The following DUOX1 variants were observed in gnomAD, a reference collection of about 807,000 sequenced individuals.
DUOX1 encodes the protein NADPH thyroid oxidase 1.
A neutral mutation model predicts 181.8 loss-of-function variants in DUOX1; 134 were observed. The observed-to-expected ratio is 0.74, with a 90% CI of 0.64 to 0.85. DUOX1 has a LOEUF of 0.85. DUOX1 is among the 40% of genes least tolerant of loss of function. The pLI is 0.00. For missense variants in DUOX1, 1,814 were observed against 2,064.4 expected, an observed-to-expected ratio of 0.88 and a Z score of 2.35; for synonymous variants, 798 against 832.5, an observed-to-expected ratio of 0.96 and a Z score of 0.71.
chr15:45,153,889 A>G, intron 26 of DUOX1, 62 bp from the exon 27 acceptor site: 1 of 1,066,092 alleles, frequency 9.4e-7, no homozygotes, highest in Non-Finnish European at 1.3e-6. Context: ...TCTGCCTCAA[A>G]AAAAAAAAAA....
intron 9 of DUOX1, among the ~76,000 whole-genome samples, 159 bp downstream of exon 9, chr15:45,136,784 C>T (rs939528901): frequency 6.6e-6 from 1 of 152,160 alleles, no homozygotes; most frequent in African/African-American, 2.4e-5. Flanking sequence ...TTAAAAGATA[C>T]ATCACTGTGG....
At chr15:45,160,193 T>G (rs889771925) in intron 28 of DUOX1, among the ~76,000 whole-genome samples, 2 of 152,072 alleles carry the variant, frequency 1.3e-5, no homozygotes, top group Non-Finnish European at 2.9e-5. Flanking sequence ...TGACAACGCA[T>G]GCACTAAGAG....
chr15:45,133,633 CT>C (rs1896208573), intron 2 of DUOX1, among the ~76,000 whole-genome samples: 1 of 152,238 alleles, frequency 6.6e-6, no homozygotes. Context: ...TGCTCCACTG[CT>C]TTTTGGCTCC....
At position 45,153,405 on chromosome 15, in the gene DUOX1, G is replaced by A. The variant is rs780354442; in HGVS notation, c.3450G>A (p.Val1150=). 2.5e-6 allele frequency: 4 copies of A among 1,613,948 alleles called. No individual in the cohort carries two copies. The East Asian group carries it at 6.7e-5, about 27-fold the overall frequency. Residue 1150 remains valine (V), a synonymous_variant, in exon 26 of 34, where the codon GTG becomes GTA. Transcript: ENST00000389037. ...LTVLHSVGHV[V]NVYLFSISPL... is the part of the protein sequence containing the mutation. ...TCTTACACAGTGTGGGCCATGTGGT[G>A]AATGTGTACCTGTTCTCCATCAGCC...
At chr15:45,157,233 G>T (rs1486248660) in intron 28 of DUOX1, among the ~76,000 whole-genome samples, 1 of 152,184 alleles carries the variant, frequency 6.6e-6, no homozygotes, top group Non-Finnish European at 1.5e-5. Flanking sequence ...TAGAACTGAT[G>T]ATATGCGTTT....
intron 12 of DUOX1, 116 bp downstream of exon 12, chr15:45,139,715 G>A: frequency 8.6e-7 from 1 of 1,162,120 alleles, no homozygotes; most frequent in Non-Finnish European, 1.2e-6. Context: ...AATGGGAGGG[G>A]CAGGGCTTAC....
intron 18 of DUOX1, among the ~76,000 whole-genome samples, chr15:45,146,142 C>G (rs1376135676): frequency 6.6e-6 from 1 of 152,058 alleles, no homozygotes; most frequent in Non-Finnish European, 1.5e-5. Context: ...TAAAGTTGGA[C>G]AAGTTTTGGC....
intron 15 of DUOX1, among the ~76,000 whole-genome samples, chr15:45,142,797 A>G (rs1444587302): frequency 7.0e-6 from 1 of 143,556 alleles, no homozygotes; most frequent in Non-Finnish European, 1.5e-5. Flanking sequence ...GGGAGGGAGG[A>G]AGGGAGGGAG....
intron 14 of DUOX1, 152 bp from the exon 15 acceptor site, chr15:45,141,823 A>AT: frequency 1.4e-6 from 1 of 737,304 alleles, no homozygotes. Context: ...GTTGGGATTC[A>AT]TTTTTTACCC....
chr15:45,150,690 G>A lies in DUOX1; in HGVS notation c.2877G>A (p.Gln959=), dbSNP rs747821501. ...DLCRRASYIS[Q]DMICPSPRVS... ...GCCGGCGAGCCTCCTACATCAGCCA[G>A]GATATGATCTGGTGAGCACCCATCT... The change falls in exon 22 of 34, where the codon CAG becomes CAA. Residue 959 remains glutamine, a synonymous_variant. Transcript: ENST00000389037. 76 of 1,613,720 alleles carry A rather than the reference G, an allele frequency of 4.7e-5. No homozygotes were observed. In the South Asian group the frequency reaches 8.2e-4, roughly 17 times the overall value.
intron 23 of DUOX1, 100 bp from the exon 24 acceptor site, chr15:45,151,774 G>A (rs1047025346): frequency 8.0e-7 from 1 of 1,248,182 alleles, no homozygotes; most frequent in Non-Finnish European, 1.1e-6. Context: ...GGAAGCAGTG[G>A]GCTTCCCTCA....
rs1219075303 is a variant in DUOX1, at chr15:45,141,823, A to G, written c.1685-152A>G. 8 of 737,188 alleles carry G rather than the reference A, an allele frequency of 1.1e-5. No homozygotes were observed. The Admixed American group carries it at 1.5e-4, about 14-fold the overall frequency. The allele number at this position is 737,188 out of a possible 1,614,324, so 45.7% of individuals were successfully genotyped here. On this transcript the variant is annotated intron_variant, in intron 14 of 33. Transcript: ENST00000389037. ...GAGGGAGAGATGGAGGTTGGGATTCATTTTTTACCCCACTTGTTACCCAAG... is the reference window on the plus strand; with the variant it reads ...GAGGGAGAGATGGAGGTTGGGATTCGTTTTTTACCCCACTTGTTACCCAAG...
At chr15:45,154,311 T>C (rs1322357338) in intron 27 of DUOX1, among the ~76,000 whole-genome samples, 2 of 152,058 alleles carry the variant, frequency 1.3e-5, no homozygotes, top group African/African-American at 4.8e-5. Flanking sequence ...GGCTACCTCT[T>C]CCCCCAATAC....
At chr15:45,154,709 T>C (rs1896924897) in intron 27 of DUOX1, among the ~76,000 whole-genome samples, 2 of 152,096 alleles carry the variant, frequency 1.3e-5, no homozygotes, top group African/African-American at 4.8e-5. Flanking sequence ...CTCCTCTCCT[T>C]TTAGGACTTT....
rs771983775 is a variant in DUOX1 at position 45,134,166 on chromosome 15, T to A, written c.164T>A (p.Val55Asp). ...CCAGGCTCCCGGCTGCAGCGCCTGG[T>A]CCCAGCCAGCTATGCAGATGGCGTG... is the stretch of plus-strand genomic sequence containing the variant. ...GSKGSRLQRL[V>D]PASYADGVYQ... The change falls in exon 4 of 34, where the codon GTC (valine) becomes GAC (aspartate). Residue 55 changes from valine (V) to aspartate (D), a missense_variant. Around this residue, in one of 5 missense-constraint regions of DUOX1, gnomAD observed 320 missense variants for 313.1 expected, o/e 1.02. Transcript: ENST00000389037. 6.4e-7 allele frequency: 1 copy of A among 1,557,384 alleles called. No homozygotes were observed. The highest frequency in any genetic ancestry group is 8.6e-7 in the Non-Finnish European group (1 of 1,156,758).
At chr15:45,139,224 C>T (rs1896425466) in intron 11 of DUOX1, 56 bp downstream of exon 11, 2 of 1,612,058 alleles carry the variant, frequency 1.2e-6, no homozygotes, top group Non-Finnish European at 1.7e-6. Context: ...GGAAGAGGCT[C>T]AGCTGGACTT....
At position 45,150,653 on chromosome 15, in the gene DUOX1, T is replaced by C. The variant is rs555222112; in HGVS notation, c.2840T>C (p.Ile947Thr). Residue 947 changes from isoleucine (I) to threonine (T), a missense_variant, in exon 22 of 34, where the codon ATC (isoleucine) becomes ACC (threonine). Transcript: ENST00000389037. ...CVKGVEVPEV[I>T]KDLCRRASYI... The stretch of plus-strand genomic sequence containing the variant: ...GCAGGGGTGGAGGTGCCTGAAGTCA[T>C]CAAGGACCTCTGCCGGCGAGCCTCC... The C allele has an allele frequency of 1.2e-6, 2 of 1,613,968 alleles. No homozygotes were observed. Among genetic ancestry groups the C allele is most frequent in the Admixed American group, 3.3e-5 (2 of 60,020 alleles).
chr15:45,143,052 C>T (rs1244005862), intron 15 of DUOX1, 138 bp from the exon 16 acceptor site: 2 of 659,702 alleles, frequency 3.0e-6, no homozygotes, highest in African/African-American at 1.8e-5. Context: ...AGGGACCTTC[C>T]CAATCTGAAA....
intron 10 of DUOX1, chr15:45,138,537 C>T (rs997069859): frequency 6.4e-6 from 1 of 156,964 alleles, no homozygotes; most frequent in Admixed American, 6.3e-5. Context: ...GGGTGAAGAA[C>T]ATTGATTGTG....
Sources: allele counts gnomAD v4.1 joint callset (sites outside exome capture counted in the v4.1 genomes callset), GRCh38; gene constraint gnomAD v4.1.1; regional missense constraint gnomAD v4.1.1; transcripts MANE v1.5; gene names NCBI Gene and HGNC (gene_info 2026-07-23, HGNC 2026-07-21).